The following DCDC2C variants were observed in gnomAD, a reference collection of about 807,000 sequenced individuals.
DCDC2C encodes the protein doublecortin domain-containing protein 2C.
DCDC2C carries 44 observed loss-of-function variants against 45.0 expected under a neutral mutation model. The ratio of observed to expected loss-of-function variants is 0.98; its 90% CI spans 0.77 to 1.26. DCDC2C has a LOEUF of 1.26. Among genes scored for constraint, DCDC2C ranks in the 50% most tolerant of loss-of-function variants. DCDC2C has a pLI of 0.00. For synonymous variants in DCDC2C, 187 were observed against 178.8 expected, an observed-to-expected ratio of 1.05 and a Z score of -0.37; for missense variants, 447 against 468.9, an observed-to-expected ratio of 0.95 and a Z score of 0.43.
intron 10 of DCDC2C, among the ~76,000 whole-genome samples, chr2:3,795,901 G>A (rs1670939674): frequency 8.2e-6 from 1 of 121,766 alleles, no homozygotes; most frequent in South Asian, 2.5e-4. Flanking sequence ...CCAATTCCGT[G>A]AAGAAAGTCA....
chr2:3,778,795 TGTG>T lies in DCDC2C; in HGVS notation c.955-17_955-15del. The T allele has an allele frequency of 1.3e-6, 2 of 1,549,434 alleles. No homozygotes were observed. Among genetic ancestry groups the T allele is most frequent in the Non-Finnish European group, 1.7e-6 (2 of 1,145,988 alleles). The stretch of plus-strand genomic sequence containing the variant: ...AGTTCCACATAAGTAGTTGATAAAA[TGTG>T]GTGTATTTTCTCCCCAGAGACAAGC... On this transcript the variant is annotated intron_variant, in intron 8 of 10. Coordinates refer to ENST00000399143, the MANE Select transcript of DCDC2C (RefSeq NM_001287444.2).
intron 4 of DCDC2C, among the ~76,000 whole-genome samples, chr2:3,751,284 G>A (rs1669534090): frequency 6.6e-6 from 1 of 152,164 alleles, no homozygotes; most frequent in Non-Finnish European, 1.5e-5. Flanking sequence ...ATTTACTCCT[G>A]GGGATTCTGG....
intron 1 of DCDC2C, among the ~76,000 whole-genome samples, chr2:3,706,726 C>G (rs1436588284): frequency 6.6e-6 from 1 of 152,178 alleles, no homozygotes; most frequent in Non-Finnish European, 1.5e-5. Flanking sequence ...CCCTGGCCAC[C>G]CATTTGTACC....
At position 3,843,972 on chromosome 2, in the gene DCDC2C, A is replaced by G. The variant is rs556127769; in HGVS notation, c.1066-3182A>G. ...TCACTGTCACTACTAAGTCAATGATATAGCAGCAATGTTTGTCTTTTTATG... is the reference window on the plus strand; with the variant it reads ...TCACTGTCACTACTAAGTCAATGATGTAGCAGCAATGTTTGTCTTTTTATG... On this transcript the variant is annotated intron_variant, in intron 10 of 10. Coordinates refer to ENST00000399143, the MANE Select transcript of DCDC2C (RefSeq NM_001287444.2). Among the ~76,000 whole-genome samples, 5 of 152,334 alleles carry G rather than the reference A, an allele frequency of 3.3e-5. No individual in the cohort carries two copies. In the East Asian group the frequency reaches 7.7e-4, roughly 24 times the overall value.
chr2:3,746,369 GA>G (rs1669361355), intron 4 of DCDC2C, among the ~76,000 whole-genome samples: 1 of 152,174 alleles, frequency 6.6e-6, no homozygotes. Flanking sequence ...CCTGGCCAGG[GA>G]AAGTGGGAGT....
chr2:3,840,976 T>C (rs11687993), intron 10 of DCDC2C, among the ~76,000 whole-genome samples: 137,862 of 152,320 alleles, frequency 0.91, 62,420 homozygotes, highest in African/African-American at 0.95. Flanking sequence ...CCTTCTAAAC[T>C]GTCTTGCATA....
intron 10 of DCDC2C, among the ~76,000 whole-genome samples, chr2:3,837,477 A>G (rs1380279962): frequency 6.6e-6 from 1 of 152,084 alleles, no homozygotes; most frequent in African/African-American, 2.4e-5. Flanking sequence ...AGGGGAGCAC[A>G]CACTGGGGCA....
At position 3,816,068 on chromosome 2, in the gene DCDC2C, G is replaced by A. The variant is rs193096127; in HGVS notation, c.1065+30968G>A. ...GGCTGCTTCTAGTGGGATTATGGGC[G>A]GCATGGGAACCTAGAGTGGGAGAGA... is the stretch of plus-strand genomic sequence containing the variant. On this transcript the variant is annotated intron_variant, in intron 10 of 10. Transcript: ENST00000399143. Among the ~76,000 whole-genome samples, 132 of 152,280 alleles carry A rather than the reference G, an allele frequency of 8.7e-4. 1 individual carries two copies. Among genetic ancestry groups the A allele is most frequent in the African/African-American group, 2.9e-3 (120 of 41,558 alleles).
chr2:3,842,655 A>G (rs1017708230), intron 10 of DCDC2C, among the ~76,000 whole-genome samples: 1 of 151,280 alleles, frequency 6.6e-6, no homozygotes, highest in South Asian at 2.1e-4. Context: ...AAAAAAAAAA[A>G]TCAATTCCAA....
chr2:3,767,708 A>G (rs939308129), intron 6 of DCDC2C, 46 bp from the exon 7 acceptor site: 1 of 1,546,212 alleles, frequency 6.5e-7, no homozygotes, highest in African/African-American at 1.4e-5. Flanking sequence ...GACTCCTTGT[A>G]TCCCACTGTT....
At chr2:3,807,763 C>A (rs946431459) in intron 10 of DCDC2C, among the ~76,000 whole-genome samples, 2 of 152,020 alleles carry the variant, frequency 1.3e-5, no homozygotes, top group African/African-American at 4.8e-5. Flanking sequence ...GCCCTGGCAG[C>A]CATTGGTCTG....
chr2:3,786,724 T>A (rs575308240), intron 10 of DCDC2C, among the ~76,000 whole-genome samples: 2 of 152,284 alleles, frequency 1.3e-5, no homozygotes, highest in African/African-American at 4.8e-5. Context: ...GCACGGAGCC[T>A]CTCGTGTGGA....
chr2:3,837,924 C>A (rs531481885), intron 10 of DCDC2C, among the ~76,000 whole-genome samples: 99 of 152,146 alleles, frequency 6.5e-4, no homozygotes, highest in Non-Finnish European at 3.1e-4. Context: ...GGGGTAGGGC[C>A]TGTGGACGTC....
chr2:3,714,411 A>T (rs1204471512), intron 2 of DCDC2C, among the ~76,000 whole-genome samples: 1 of 152,164 alleles, frequency 6.6e-6, no homozygotes, highest in African/African-American at 2.4e-5. Flanking sequence ...ATAGTACAAC[A>T]TTGAGATTTC....
At chr2:3,758,413 A>G (rs533804090) in intron 6 of DCDC2C, among the ~76,000 whole-genome samples, 4 of 152,360 alleles carry the variant, frequency 2.6e-5, no homozygotes, top group African/African-American at 9.6e-5. Context: ...TGTGTAAAAT[A>G]TCCTCAAAAT....
chr2:3,823,664 T>C (rs550044835), intron 10 of DCDC2C, among the ~76,000 whole-genome samples: 22 of 152,344 alleles, frequency 1.4e-4, no homozygotes, highest in Non-Finnish European at 3.1e-4. Context: ...TTTTCATGGA[T>C]ATAGAATTCT....
At chr2:3,791,793 C>G (rs1184737859) in intron 10 of DCDC2C, among the ~76,000 whole-genome samples, 1 of 152,244 alleles carries the variant, frequency 6.6e-6, no homozygotes, top group Non-Finnish European at 1.5e-5. Flanking sequence ...GTCTTCTCCT[C>G]TAAGCCACCC....
chr2:3,794,130 C>T (rs12463555), intron 10 of DCDC2C, among the ~76,000 whole-genome samples: 15,127 of 152,148 alleles, frequency 0.099, 1,021 homozygotes, highest in East Asian at 0.29. Flanking sequence ...CATTTTTACC[C>T]ATGCAGCATT....
intron 10 of DCDC2C, among the ~76,000 whole-genome samples, chr2:3,826,460 C>T (rs1671818720): frequency 6.6e-6 from 1 of 151,962 alleles, no homozygotes; most frequent in Non-Finnish European, 1.5e-5. Flanking sequence ...AAGTGCTTTG[C>T]AAATTGTAAA....
Sources: allele counts gnomAD v4.1 joint callset (sites outside exome capture counted in the v4.1 genomes callset), GRCh38; gene constraint gnomAD v4.1.1; transcripts MANE v1.5; gene names NCBI Gene and HGNC (gene_info 2026-07-23, HGNC 2026-07-21).